PLAAT3: variants seen among roughly 807,000 people sequenced by gnomAD.
PLAAT3 encodes the protein phospholipase A and acyltransferase 3.
PLAAT3 carries 21 observed loss-of-function variants against 16.7 expected under a neutral mutation model. The observed-to-expected ratio is 1.26, with a 90% CI of 0.89 to 1.81. The LOEUF (loss-of-function observed/expected upper bound fraction) is 1.81, where lower values mean the gene tolerates loss of function less well. PLAAT3 is among the 40% of genes most tolerant of loss of function. The pLI is 0.00. For missense variants in PLAAT3, 219 were observed against 213.7 expected, an observed-to-expected ratio of 1.02 and a Z score of -0.16; for synonymous variants, 76 against 81.7, an observed-to-expected ratio of 0.93 and a Z score of 0.38.
At chr11:63,581,223 G>C (rs1350231808) in intron 4 of PLAAT3, among the ~76,000 whole-genome samples, 1 of 152,218 alleles carries the variant, frequency 6.6e-6, no homozygotes, top group Non-Finnish European at 1.5e-5. Flanking sequence ...AACAAGGAAA[G>C]ATAACCATAA....
chr11:63,613,996 T>G lies in PLAAT3; in HGVS notation c.15+4A>C. 1 of 1,479,998 alleles carries G rather than the reference T, an allele frequency of 6.8e-7. No individual in the cohort carries two copies. Among genetic ancestry groups the G allele is most frequent in the Non-Finnish European group, 9.5e-7 (1 of 1,057,900 alleles). 91.7% of individuals were successfully genotyped at this position (1,479,998 alleles called of 1,614,324 possible). A position where few individuals can be genotyped will look rare whatever the true frequency, so the allele number is the denominator to read the frequency against. ...CGCCCAGCCCCGCCTCGCCCCGCAC[T>G]TACAATGGGCGCACGCATCTTCCCT... On this transcript the variant is annotated splice_donor_region_variant and intron_variant, in intron 2 of 4. Coordinates refer to ENST00000415826, the MANE Select transcript of PLAAT3 (RefSeq NM_001128203.2).
chr11:63,582,503 C>T (rs1310529018), intron 4 of PLAAT3, among the ~76,000 whole-genome samples: 2 of 152,226 alleles, frequency 1.3e-5, no homozygotes, highest in Middle Eastern at 3.4e-3. Flanking sequence ...GAATTGACAA[C>T]AGGTACAAAG....
chr11:63,587,557 C>CT (rs202174219), intron 4 of PLAAT3, among the ~76,000 whole-genome samples: 200 of 136,626 alleles, frequency 1.5e-3, no homozygotes, highest in South Asian at 2.8e-3. Context: ...TTTCTTGGGT[C>CT]TTTTTTTTTT....
At chr11:63,610,730 AT>A (rs1217839310) in intron 2 of PLAAT3, among the ~76,000 whole-genome samples, 1 of 152,136 alleles carries the variant, frequency 6.6e-6, no homozygotes, top group Non-Finnish European at 1.5e-5. Context: ...AGGCCTATCA[AT>A]TTCCTCATAT....
At chr11:63,577,727 G>A (rs994643669) in intron 4 of PLAAT3, among the ~76,000 whole-genome samples, 1 of 152,140 alleles carries the variant, frequency 6.6e-6, no homozygotes, top group Admixed American at 6.5e-5. Flanking sequence ...TCATTAGATC[G>A]CTTCTCGGCC....
intron 3 of PLAAT3, among the ~76,000 whole-genome samples, chr11:63,592,334 T>C (rs566323773): frequency 6.6e-6 from 1 of 152,180 alleles, no homozygotes; most frequent in African/African-American, 2.4e-5. Context: ...GCCCAGCTAA[T>C]TTTTATATTT....
In PLAAT3 at chr11:63,593,591, C is replaced by T. The variant is rs768143745; in HGVS notation, c.119-3223G>A. Reference sequence around the variant, plus strand: ...TTGGTTTTGGTTTGTTTTTTTGAGACGGGGTTTCACTCTGTCACCCAGGCT... The same window carrying T: ...TTGGTTTTGGTTTGTTTTTTTGAGATGGGGTTTCACTCTGTCACCCAGGCT... On this transcript the variant is annotated intron_variant, in intron 3 of 4. Transcript: ENST00000415826. 4.1e-4 allele frequency among the ~76,000 whole-genome samples: 63 copies of T among 152,188 alleles called. 1 individual carries two copies. In the Middle Eastern group the frequency reaches 0.014, roughly 33 times the overall value.
intron 2 of PLAAT3, among the ~76,000 whole-genome samples, chr11:63,599,337 C>T (rs1057152222): frequency 6.6e-6 from 1 of 152,138 alleles, no homozygotes; most frequent in African/African-American, 2.4e-5. Flanking sequence ...TGAGTCAGAT[C>T]CATAGGGGTT....
rs563408986 is a variant in PLAAT3, at chr11:63,605,710, G to A, written c.16-7547C>T. Among the ~76,000 whole-genome samples, 1,401 of 151,950 alleles carry A rather than the reference G, an allele frequency of 9.2e-3. 14 individuals carry two copies. Among genetic ancestry groups the A allele is most frequent in the Middle Eastern group, 0.088 (26 of 294 alleles). ...TGGGACTACAGGCGCCCGCCACCAT[G>A]CCGGGCTAATTTTTTGTATTTTTAG... On this transcript the variant is annotated intron_variant, in intron 2 of 4. Transcript: ENST00000415826.
chr11:63,596,194 C>T (rs1283574783), intron 3 of PLAAT3, among the ~76,000 whole-genome samples: 4 of 134,922 alleles, frequency 3.0e-5, no homozygotes, highest in South Asian at 4.7e-4. Context: ...GAGCCGAGAT[C>T]GCGCCACTAC....
chr11:63,593,985 C>T (rs533204171), intron 3 of PLAAT3, among the ~76,000 whole-genome samples: 13 of 152,258 alleles, frequency 8.5e-5, no homozygotes, highest in African/African-American at 2.2e-4. Flanking sequence ...TGCCACCAGG[C>T]GAGGGAGGGT....
At chr11:63,586,276 G>A (rs1230023989) in intron 4 of PLAAT3, among the ~76,000 whole-genome samples, 2 of 152,178 alleles carry the variant, frequency 1.3e-5, no homozygotes, top group Non-Finnish European at 2.9e-5. Flanking sequence ...TGGGACTGCA[G>A]GTGCCCGCCA....
intron 2 of PLAAT3, among the ~76,000 whole-genome samples, chr11:63,600,761 C>A (rs1181315868): frequency 1.3e-5 from 2 of 150,948 alleles, no homozygotes; most frequent in African/African-American, 2.4e-5. Flanking sequence ...TGCCACCACG[C>A]CTGGCTAATT....
chr11:63,609,274 A>C (rs867868591), intron 2 of PLAAT3, among the ~76,000 whole-genome samples: 8 of 152,222 alleles, frequency 5.3e-5, no homozygotes, highest in Non-Finnish European at 1.0e-4. Flanking sequence ...GTACTGAGAA[A>C]AGACTTCCCA....
intron 2 of PLAAT3, among the ~76,000 whole-genome samples, chr11:63,613,625 G>A (rs1938749068): frequency 1.3e-5 from 2 of 152,316 alleles, no homozygotes; most frequent in South Asian, 4.1e-4. Flanking sequence ...CCGCTGGCAG[G>A]GCTGGTCATG....
At chr11:63,579,326 G>A (rs1401593251) in intron 4 of PLAAT3, among the ~76,000 whole-genome samples, 2 of 152,092 alleles carry the variant, frequency 1.3e-5, no homozygotes, top group Admixed American at 1.3e-4. Context: ...GATTCCTCAG[G>A]GATCTAGAAC....
chr11:63,607,834 TG>T (rs1359765699), intron 2 of PLAAT3, among the ~76,000 whole-genome samples: 1 of 151,722 alleles, frequency 6.6e-6, no homozygotes, highest in African/African-American at 2.4e-5. Flanking sequence ...AAGGTGCTTT[TG>T]GGGTTTGGTC....
Position 63,590,086 on chromosome 11 carries a change from G to T in PLAAT3, c.387+14C>A. The T allele has an allele frequency of 6.2e-7, 1 of 1,609,016 alleles. No individual in the cohort carries two copies. The highest frequency in any genetic ancestry group is 8.5e-7 in the Non-Finnish European group (1 of 1,176,390). Reference sequence around the variant, plus strand: ...TCTGGTTCCTGGGGAAGGCGACACAGGCAGAGGACGCACCTGGTCACTGCG... The same window carrying T: ...TCTGGTTCCTGGGGAAGGCGACACATGCAGAGGACGCACCTGGTCACTGCG... On this transcript the variant is annotated intron_variant, in intron 4 of 4. Coordinates refer to ENST00000415826, the MANE Select transcript of PLAAT3 (RefSeq NM_001128203.2).
chr11:63,609,609 A>G (rs796838922), intron 2 of PLAAT3, among the ~76,000 whole-genome samples: 5 of 152,158 alleles, frequency 3.3e-5, no homozygotes, highest in Non-Finnish European at 5.9e-5. Flanking sequence ...CAGGGAGGAG[A>G]AGGAGGCCTG....
Sources: allele counts gnomAD v4.1 joint callset (sites outside exome capture counted in the v4.1 genomes callset), GRCh38; gene constraint gnomAD v4.1.1; transcripts MANE v1.5; gene names NCBI Gene and HGNC (gene_info 2026-07-23, HGNC 2026-07-21).